The following PDE9A variants were observed in gnomAD, a reference collection of about 807,000 sequenced individuals.
The protein encoded by PDE9A is high affinity cGMP-specific 3',5'-cyclic phosphodiesterase 9A.
PDE9A carries 60 observed loss-of-function variants against 87.4 expected under a neutral mutation model. That is an observed-to-expected ratio of 0.69 (90% CI 0.56 to 0.85). PDE9A has a LOEUF of 0.85. Ranked by LOEUF, PDE9A falls within the 40% of genes least tolerant of loss-of-function variation. The pLI is 0.00. For synonymous variants in PDE9A, 272 were observed against 279.4 expected, an observed-to-expected ratio of 0.97 and a Z score of 0.27; for missense variants, 665 against 779.0, an observed-to-expected ratio of 0.85 and a Z score of 1.74.
At chr21:42,678,505 C>A (rs1476971909) in intron 1 of PDE9A, among the ~76,000 whole-genome samples, 4 of 152,206 alleles carry the variant, frequency 2.6e-5, no homozygotes, top group African/African-American at 9.6e-5. Flanking sequence ...ACACCCAGTT[C>A]TGGGTAACCA....
At chr21:42,710,130 G>A (rs529089431) in intron 4 of PDE9A, among the ~76,000 whole-genome samples, 5 of 151,768 alleles carry the variant, frequency 3.3e-5, no homozygotes, top group South Asian at 2.1e-4. Flanking sequence ...AAGCTGGGCC[G>A]GGCACAGTGG....
chr21:42,657,765 C>T (rs1348088107), intron 1 of PDE9A, among the ~76,000 whole-genome samples: 1 of 152,220 alleles, frequency 6.6e-6, no homozygotes, highest in Non-Finnish European at 1.5e-5. Context: ...CTGAATGCTC[C>T]GGGGCCTCTG....
At chr21:42,669,935 A>G (rs56978596) in intron 1 of PDE9A, among the ~76,000 whole-genome samples, 3,909 of 152,272 alleles carry the variant, frequency 0.026, 173 homozygotes, top group African/African-American at 0.083. Flanking sequence ...CCCTGGCACC[A>G]GGTGGGCATG....
chr21:42,698,809 G>A, intron 3 of PDE9A, 159 bp from the exon 4 acceptor site: 1 of 495,598 alleles, frequency 2.0e-6, no homozygotes. Context: ...GAGTAAGGAA[G>A]CTGAGAACAG....
intron 1 of PDE9A, among the ~76,000 whole-genome samples, chr21:42,657,673 G>A (rs975137136): frequency 2.6e-5 from 4 of 152,212 alleles, no homozygotes; most frequent in African/African-American, 4.8e-5. Context: ...CCAATCTTCC[G>A]AATCGGGGAA....
intron 1 of PDE9A, among the ~76,000 whole-genome samples, chr21:42,666,411 A>G (rs965401014): frequency 6.6e-6 from 1 of 152,200 alleles, no homozygotes; most frequent in Non-Finnish European, 1.5e-5. Flanking sequence ...CTGACTCAGC[A>G]GCTGGGACCC....
At chr21:42,700,284 T>A (rs559419922) in intron 4 of PDE9A, among the ~76,000 whole-genome samples, 4 of 152,110 alleles carry the variant, frequency 2.6e-5, no homozygotes, top group Admixed American at 6.5e-5. Context: ...GTTACCAGTC[T>A]GGGGGCTTTT....
chr21:42,671,783 A>C (rs980592445), intron 1 of PDE9A, among the ~76,000 whole-genome samples: 1 of 152,216 alleles, frequency 6.6e-6, no homozygotes, highest in African/African-American at 2.4e-5. Context: ...AGCTCATTTA[A>C]AAAAATATTA....
chr21:42,676,349 C>G (rs1269141105), intron 1 of PDE9A, among the ~76,000 whole-genome samples: 1 of 152,238 alleles, frequency 6.6e-6, no homozygotes, highest in Non-Finnish European at 1.5e-5. Flanking sequence ...CAGTCACAGT[C>G]TAGAACATTC....
intron 1 of PDE9A, among the ~76,000 whole-genome samples, chr21:42,654,336 G>C (rs1031514668): frequency 1.3e-5 from 2 of 152,108 alleles, no homozygotes; most frequent in Admixed American, 1.3e-4. Flanking sequence ...GACTGCAGAG[G>C]GGGACTCGGG....
intron 1 of PDE9A, among the ~76,000 whole-genome samples, chr21:42,680,126 G>A (rs2059086919): frequency 6.6e-6 from 1 of 152,210 alleles, no homozygotes; most frequent in Non-Finnish European, 1.5e-5. Context: ...CCGGGCTCAG[G>A]GCCCCTGCCT....
chr21:42,689,888 CG>C (rs1569152132), intron 3 of PDE9A: 1 of 958,232 alleles, frequency 1.0e-6, no homozygotes, highest in Non-Finnish European at 1.2e-6. Flanking sequence ...TGGAGACACA[CG>C]CAGTTGAGGA....
At chr21:42,703,445 T>G (rs1183807444) in intron 4 of PDE9A, among the ~76,000 whole-genome samples, 1 of 152,176 alleles carries the variant, frequency 6.6e-6, no homozygotes, top group Non-Finnish European at 1.5e-5. Flanking sequence ...CATAAAGCCC[T>G]GGAGGCAGGA....
intron 4 of PDE9A, among the ~76,000 whole-genome samples, chr21:42,719,596 C>T (rs369262324): frequency 7.6e-5 from 11 of 144,916 alleles, no homozygotes; most frequent in East Asian, 2.0e-4. Flanking sequence ...GCCGAGATGG[C>T]GCCACTGCCC....
chr21:42,690,899 G>C (rs1241937372), intron 3 of PDE9A, among the ~76,000 whole-genome samples: 1 of 152,138 alleles, frequency 6.6e-6, no homozygotes, highest in Non-Finnish European at 1.5e-5. Context: ...TGCCAGCCCA[G>C]CCACCTGCCT....
rs1555920814 is a variant in PDE9A at position 42,717,901 on chromosome 21, G to GTTTT, written c.263-13866_263-13865insTTTT. 0.024 allele frequency among the ~76,000 whole-genome samples: 496 copies of GTTTT among 20,754 alleles called. 3 individuals carry two copies. In the African/African-American group the frequency reaches 0.26, roughly 11 times the overall value. 13.6% of individuals were successfully genotyped at this position (20,754 alleles called of 152,430 possible). A position where few individuals can be genotyped will look rare whatever the true frequency, so the allele number is the denominator to read the frequency against. ...TTCTTCTCTGGCTGCTTTCTTTGGG[G>GTTTT]TTTGTTTGTTTGTTTGTTTGTTTTG... On this transcript the variant is annotated intron_variant, in intron 4 of 19. Coordinates refer to ENST00000291539, the MANE Select transcript of PDE9A (RefSeq NM_002606.3).
At chr21:42,730,627 A>T (rs1175149565) in intron 4 of PDE9A, among the ~76,000 whole-genome samples, 2 of 152,176 alleles carry the variant, frequency 1.3e-5, no homozygotes, top group African/African-American at 4.8e-5. Flanking sequence ...ACTCTCTATG[A>T]CTGCTTTAAA....
At chr21:42,697,775 TC>T (rs2060222726) in intron 3 of PDE9A, among the ~76,000 whole-genome samples, 1 of 152,136 alleles carries the variant, frequency 6.6e-6, no homozygotes, top group Admixed American at 6.5e-5. Context: ...CCTCAGGAAC[TC>T]CTCCAAACCC....
At chr21:42,680,950 C>T (rs1380145043) in intron 1 of PDE9A, among the ~76,000 whole-genome samples, 2 of 152,212 alleles carry the variant, frequency 1.3e-5, no homozygotes, top group African/African-American at 2.4e-5. Context: ...TTTCTAGGTG[C>T]CTTTGTTCAC....
Sources: gnomAD v4.1 joint callset for allele counts (sites outside exome capture counted in the v4.1 genomes callset) on GRCh38, gnomAD v4.1.1 for gene constraint, MANE v1.5 for transcripts, NCBI Gene and HGNC (gene_info 2026-07-23, HGNC 2026-07-21) for gene names.